The following TAF3 variants were observed in gnomAD, a reference collection of about 807,000 sequenced individuals.
TAF3 encodes transcription initiation factor TFIID subunit 3.
TAF3 carries 7 observed loss-of-function variants against 80.6 expected under a neutral mutation model. The observed-to-expected ratio is 0.09, with a 90% CI of 0.05 to 0.16. The LOEUF is 0.16. Ranked by LOEUF, TAF3 falls within the 10% of genes least tolerant of loss-of-function variation. The pLI is 1.00. For synonymous variants in TAF3, 444 were observed against 446.1 expected, an observed-to-expected ratio of 1.00 and a Z score of 0.06; for missense variants, 921 against 1,140.2, an observed-to-expected ratio of 0.81 and a Z score of 2.77.
At chr10:7,867,655 G>T (rs568409335) in intron 2 of TAF3, among the ~76,000 whole-genome samples, 238 of 152,304 alleles carry the variant, frequency 1.6e-3, no homozygotes, top group African/African-American at 5.4e-3. Flanking sequence ...GATGGCTACT[G>T]GCAGTTTTTG....
intron 4 of TAF3, among the ~76,000 whole-genome samples, chr10:7,983,812 C>T (rs1831750928): frequency 6.6e-6 from 1 of 151,808 alleles, no homozygotes; most frequent in African/African-American, 2.4e-5. Flanking sequence ...GCACTCCAGC[C>T]TGGGGGACAG....
chr10:7,929,136 A>G (rs1837843301), intron 2 of TAF3, among the ~76,000 whole-genome samples: 1 of 152,320 alleles, frequency 6.6e-6, no homozygotes, highest in Middle Eastern at 3.4e-3. Flanking sequence ...ATTTCTAAAT[A>G]TTAGAAAATG....
intron 4 of TAF3, among the ~76,000 whole-genome samples, chr10:7,989,705 T>C (rs890146673): frequency 6.6e-5 from 10 of 152,200 alleles, no homozygotes; most frequent in African/African-American, 2.2e-4. Context: ...TACCAATATT[T>C]CCCATGCTGA....
intron 2 of TAF3, among the ~76,000 whole-genome samples, chr10:7,862,064 A>G (rs141598778): frequency 2.0e-5 from 3 of 152,242 alleles, no homozygotes; most frequent in African/African-American, 7.2e-5. Flanking sequence ...TCTGCTACAC[A>G]TGCAGTTAAG....
intron 2 of TAF3, among the ~76,000 whole-genome samples, chr10:7,888,380 T>C (rs928230511): frequency 2.6e-5 from 4 of 152,202 alleles, no homozygotes; most frequent in African/African-American, 9.7e-5. Context: ...TTTATTTTTA[T>C]CTAAATTTAT....
At chr10:7,930,387 G>A (rs1428278481) in intron 2 of TAF3, among the ~76,000 whole-genome samples, 2 of 152,168 alleles carry the variant, frequency 1.3e-5, no homozygotes, top group Non-Finnish European at 2.9e-5. Flanking sequence ...CTAAATGTCA[G>A]ACCATTTAGT....
intron 1 of TAF3, among the ~76,000 whole-genome samples, chr10:7,822,468 A>G (rs1185912166): frequency 6.7e-6 from 1 of 148,694 alleles, no homozygotes; most frequent in African/African-American, 2.5e-5. Flanking sequence ...AATGCATCAC[A>G]GAAGTAACCC....
intron 5 of TAF3, among the ~76,000 whole-genome samples, chr10:8,011,529 GC>G (rs1157712597): frequency 6.6e-6 from 1 of 152,134 alleles, no homozygotes; most frequent in East Asian, 1.9e-4. Context: ...TTCCACCTTG[GC>G]CTCCCAAAGT....
intron 2 of TAF3, among the ~76,000 whole-genome samples, chr10:7,845,068 A>G (rs1292153523): frequency 6.6e-6 from 1 of 152,176 alleles, no homozygotes; most frequent in African/African-American, 2.4e-5. Flanking sequence ...TTGATTTCCA[A>G]AAGAGTTGTA....
rs202202772 is a variant in TAF3, at chr10:7,856,902, T to C, written c.409+32342T>C. On this transcript the variant is annotated intron_variant, in intron 2 of 6. Transcript: ENST00000344293. ...AAAAGCAGAAAGAATGCTTCACAAG[T>C]TTATTTTACTAACATAAAAATGTGT... is the stretch of plus-strand genomic sequence containing the variant. Among the ~76,000 whole-genome samples the C allele has an allele frequency of 1.2e-4, 18 of 150,882 alleles. No homozygotes were observed. The East Asian group carries it at 3.5e-3, about 29-fold the overall frequency.
chr10:7,833,962 G>T, intron 2 of TAF3: 1 of 306,136 alleles, frequency 3.3e-6, no homozygotes, highest in Non-Finnish European at 6.1e-6. Context: ...CACCATGGCT[G>T]CCTGCTGTCC....
At chr10:7,824,655 GA>G in intron 2 of TAF3, 95 bp downstream of exon 2, 8 of 1,427,726 alleles carry the variant, frequency 5.6e-6, no homozygotes, top group Non-Finnish European at 7.6e-6. Context: ...ATAAATTCTG[GA>G]AACACAATAG....
chr10:7,960,525 C>T (rs1236536390), intron 2 of TAF3, among the ~76,000 whole-genome samples: 2 of 152,120 alleles, frequency 1.3e-5, no homozygotes, highest in Non-Finnish European at 2.9e-5. Context: ...CCTTAGAAGT[C>T]GCCAACATGT....
chr10:7,946,266 G>A (rs557176448), intron 2 of TAF3, among the ~76,000 whole-genome samples: 1 of 152,126 alleles, frequency 6.6e-6, no homozygotes. Flanking sequence ...GCCTTCACCT[G>A]CTCCTTCCCA....
intron 2 of TAF3, among the ~76,000 whole-genome samples, chr10:7,932,846 T>A (rs1488388199): frequency 6.6e-6 from 1 of 151,914 alleles, no homozygotes; most frequent in Admixed American, 6.6e-5. Flanking sequence ...CCGAGCTAAT[T>A]CTTAAATTTT....
At chr10:7,833,886 T>C in intron 2 of TAF3, 1 of 817,876 alleles carries the variant, frequency 1.2e-6, no homozygotes, top group Non-Finnish European at 1.7e-6. Context: ...TTTGGAGCGG[T>C]ACCCCTTCAG....
At chr10:8,013,957 G>A in intron 6 of TAF3, 120 bp downstream of exon 6, 3 of 753,118 alleles carry the variant, frequency 4.0e-6, no homozygotes, top group Non-Finnish European at 6.7e-6. Context: ...CCTAGGGACA[G>A]TACATGGAGT....
intron 2 of TAF3, among the ~76,000 whole-genome samples, chr10:7,855,692 T>C (rs1233507919): frequency 1.3e-5 from 2 of 152,146 alleles, no homozygotes; most frequent in African/African-American, 4.8e-5. Context: ...TCTAAAGGCT[T>C]ACCAGACAAA....
chr10:7,940,839 G>C (rs942784861), intron 2 of TAF3, among the ~76,000 whole-genome samples: 1 of 151,818 alleles, frequency 6.6e-6, no homozygotes, highest in East Asian at 1.9e-4. Context: ...GTGCATGGCT[G>C]TTCCAGCTAC....
Sources: allele counts gnomAD v4.1 joint callset (sites outside exome capture counted in the v4.1 genomes callset), GRCh38; gene constraint gnomAD v4.1.1; transcripts MANE v1.5; gene names NCBI Gene and HGNC (gene_info 2026-07-23, HGNC 2026-07-21).